The following ASXL3 variants were observed in gnomAD, a reference collection of about 807,000 sequenced individuals.
ASXL3 encodes the protein putative Polycomb group protein ASXL3.
In ASXL3, 34 loss-of-function variants were observed where a neutral mutation model predicts 170.6. The observed-to-expected ratio is 0.20, with a 90% CI of 0.15 to 0.27. ASXL3 has a LOEUF of 0.27. Among genes scored for constraint, ASXL3 ranks in the 10% least tolerant of loss-of-function variants. The pLI, the probability that ASXL3 is intolerant of heterozygous loss-of-function variation, is 1.00. For synonymous variants in ASXL3, 1,002 were observed against 989.1 expected (o/e 1.01, Z -0.24); for missense variants, 2,592 against 2,695.3 (o/e 0.96, Z 0.85).
chr18:33,723,067 C>G (rs892352808), intron 8 of ASXL3, among the ~76,000 whole-genome samples: 2 of 152,126 alleles, frequency 1.3e-5, no homozygotes, highest in Non-Finnish European at 2.9e-5. Flanking sequence ...CAAAATATTA[C>G]TGCTCATTGA....
At chr18:33,588,810 C>T (rs1197630311) in intron 1 of ASXL3, among the ~76,000 whole-genome samples, 1 of 152,060 alleles carries the variant, frequency 6.6e-6, no homozygotes, top group African/African-American at 2.4e-5. Flanking sequence ...AGCTGAATGC[C>T]TTATCTCTTT....
At chr18:33,597,798 A>C (rs927934984) in intron 1 of ASXL3, among the ~76,000 whole-genome samples, 43 of 148,586 alleles carry the variant, frequency 2.9e-4, no homozygotes, top group African/African-American at 9.7e-4. Context: ...ATCTACAAAA[A>C]AAAAAAAACA....
At chr18:33,633,160 A>G (rs1254245907) in intron 2 of ASXL3, among the ~76,000 whole-genome samples, 2 of 152,184 alleles carry the variant, frequency 1.3e-5, no homozygotes, top group African/African-American at 4.8e-5. Flanking sequence ...TTAACTAGTT[A>G]CTTTCATTAG....
In ASXL3 at chr18:33,744,194, A is replaced by G. The variant is rs1206630107; in HGVS notation, c.4346A>G (p.Asn1449Ser). The change falls in exon 12 of 12, where the codon AAT (asparagine) becomes AGT (serine). Residue 1449 changes from asparagine (N) to serine (S), a missense_variant. By Grantham distance (46) the Asn-to-Ser change is conservative. Around this residue, in one of 4 missense-constraint regions of ASXL3, gnomAD observed 2,246 missense variants for 2,219.6 expected, o/e 1.01. Coordinates refer to ENST00000269197, the MANE Select transcript of ASXL3 (RefSeq NM_030632.3). ...KNSGPRNRAD[N>S]SGKPQQPPGG... is the part of the protein sequence containing the mutation. ...TCAGGGCCTCGAAACAGGGCAGATA[A>G]TTCTGGAAAACCTCAGCAACCACCA... The G allele has an allele frequency of 6.2e-7, 1 of 1,613,954 alleles. No homozygotes were observed. The highest frequency in any genetic ancestry group is 1.7e-5 in the Admixed American group (1 of 60,026).
At chr18:33,711,951 C>A (rs2067072637) in intron 8 of ASXL3, among the ~76,000 whole-genome samples, 1 of 152,102 alleles carries the variant, frequency 6.6e-6, no homozygotes, top group African/African-American at 2.4e-5. Flanking sequence ...ATCTTTATTT[C>A]TTAAATGTTC....
At chr18:33,645,090 T>A in intron 3 of ASXL3, 88 bp downstream of exon 3, 1 of 802,464 alleles carries the variant, frequency 1.2e-6, no homozygotes, top group Non-Finnish European at 1.9e-6. Flanking sequence ...ATTTGAAGAG[T>A]AGAAGAATGA....
intron 8 of ASXL3, among the ~76,000 whole-genome samples, chr18:33,714,281 C>A (rs534645633): frequency 1.3e-5 from 2 of 152,280 alleles, no homozygotes; most frequent in African/African-American, 4.8e-5. Flanking sequence ...CTCTCTGTTA[C>A]ATTTCAGCAC....
chr18:33,736,741 AACTTGTGTCTAGATTT>A (rs1384332147), intron 10 of ASXL3, among the ~76,000 whole-genome samples: 1 of 152,114 alleles, frequency 6.6e-6, no homozygotes, highest in Non-Finnish European at 1.5e-5. Flanking sequence ...TTGGCTTGTG[AACTTGTGTCTAGATTT>A]CTGGAGGCCA....
Position 33,683,561 on chromosome 18 carries a change from A to G in ASXL3, c.872A>G (p.Asp291Gly). ...CTCCTGCTTTTGCTCCCAGAAGTGG[A>G]TAGGCAGGTAAGTAGAAGTTTTAGA... ...QYLLLLLPEV[D>G]RQMGSDGILR... The change falls in exon 8 of 12, where the codon GAT (aspartate) becomes GGT (glycine). Residue 291 changes from aspartate to glycine, a missense_variant. Coordinates refer to ENST00000269197, the MANE Select transcript of ASXL3 (RefSeq NM_030632.3). The G allele has an allele frequency of 6.2e-7, 1 of 1,611,434 alleles. No individual in the cohort carries two copies. Among genetic ancestry groups the G allele is most frequent in the Non-Finnish European group, 8.5e-7 (1 of 1,178,846 alleles).
intron 8 of ASXL3, among the ~76,000 whole-genome samples, chr18:33,728,114 G>A (rs1475668149): frequency 6.6e-6 from 1 of 152,084 alleles, no homozygotes; most frequent in Non-Finnish European, 1.5e-5. Flanking sequence ...AGGATATATG[G>A]AACTAAACTT....
At chr18:33,721,085 A>G (rs2067249986) in intron 8 of ASXL3, among the ~76,000 whole-genome samples, 1 of 152,058 alleles carries the variant, frequency 6.6e-6, no homozygotes, top group Non-Finnish European at 1.5e-5. Flanking sequence ...AATCCTTAGC[A>G]GCAATTATAA....
At chr18:33,707,129 T>A (rs147763172) in intron 8 of ASXL3, among the ~76,000 whole-genome samples, 111 of 152,044 alleles carry the variant, frequency 7.3e-4, no homozygotes, top group African/African-American at 2.6e-3. Context: ...ACCAAAACCA[T>A]GTTATCTTGA....
intron 2 of ASXL3, among the ~76,000 whole-genome samples, chr18:33,610,350 T>A (rs1179131658): frequency 6.6e-6 from 1 of 152,006 alleles, no homozygotes; most frequent in Admixed American, 6.6e-5. Context: ...CTTGTGAAGT[T>A]ACTAATATGG....
intron 4 of ASXL3, among the ~76,000 whole-genome samples, chr18:33,657,727 A>ACAACTC (rs1304526922): frequency 6.6e-6 from 1 of 151,996 alleles, no homozygotes; most frequent in Admixed American, 6.6e-5. Flanking sequence ...GATCTTCTAA[A>ACAACTC]TAGAGTATTT....
Position 33,740,060 on chromosome 18 carries a change from T to C in ASXL3, c.2656T>C (p.Phe886Leu). ...ACCTTCACCATTGGAATTATCTGTC[T>C]TTTCTGAAGGGACAGATAATAAGGG... ...VLPSPLELSV[F>L]SEGTDNKGNE... The change falls in exon 11 of 12, where the codon TTT (phenylalanine) becomes CTT (leucine). Residue 886 changes from phenylalanine to leucine, a missense_variant. Phe to Leu is a conservative substitution (Grantham distance 22, BLOSUM62 0). Around this residue, in one of 4 missense-constraint regions of ASXL3, gnomAD observed 2,246 missense variants for 2,219.6 expected, o/e 1.01. Transcript: ENST00000269197. 6.2e-7 allele frequency: 1 copy of C among 1,613,928 alleles called. No individual in the cohort carries two copies. The highest frequency in any genetic ancestry group is 8.5e-7 in the Non-Finnish European group (1 of 1,179,856).
chr18:33,681,982 A>G (rs1294203847), intron 7 of ASXL3, among the ~76,000 whole-genome samples: 1 of 152,190 alleles, frequency 6.6e-6, no homozygotes, highest in East Asian at 1.9e-4. Context: ...TAGAAGTATT[A>G]TCTGGTTCTC....
chr18:33,619,807 C>T (rs1294412498), intron 2 of ASXL3, among the ~76,000 whole-genome samples: 1 of 152,116 alleles, frequency 6.6e-6, no homozygotes, highest in African/African-American at 2.4e-5. Context: ...TCAATTTCTA[C>T]ACTTGTGGAA....
intron 8 of ASXL3, among the ~76,000 whole-genome samples, chr18:33,687,567 C>T (rs1599495185): frequency 6.6e-6 from 1 of 152,232 alleles, no homozygotes; most frequent in Admixed American, 6.5e-5. Context: ...ACTCTGGACC[C>T]AAATGAAACG....
At chr18:33,655,673 A>T (rs573007568) in intron 4 of ASXL3, among the ~76,000 whole-genome samples, 31 of 152,106 alleles carry the variant, frequency 2.0e-4, no homozygotes, top group Non-Finnish European at 1.9e-4. Flanking sequence ...AATTGGGGTT[A>T]GATGGTTTTC....
Sources: allele counts gnomAD v4.1 joint callset (sites outside exome capture counted in the v4.1 genomes callset), GRCh38; gene constraint gnomAD v4.1.1; regional missense constraint gnomAD v4.1.1; transcripts MANE v1.5; gene names NCBI Gene and HGNC (gene_info 2026-07-23, HGNC 2026-07-21).